The following RNF214 variants were observed in gnomAD, a reference collection of about 807,000 sequenced individuals.
The protein encoded by RNF214 is ring finger protein 214.
A neutral mutation model predicts 75.9 loss-of-function variants in RNF214; 25 were observed. The observed-to-expected ratio is 0.33, with a 90% CI of 0.24 to 0.46. The LOEUF is 0.46. Among genes scored for constraint, RNF214 ranks in the 20% least tolerant of loss-of-function variants. RNF214 has a pLI of 1.00. For missense variants in RNF214, 725 were observed against 857.5 expected (o/e 0.85, Z 1.93); for synonymous variants, 314 against 308.8 (o/e 1.02, Z -0.18).
At chr11:117,244,905 A>G (rs2134365304) in intron 5 of RNF214, among the ~76,000 whole-genome samples, 1 of 151,846 alleles carries the variant, frequency 6.6e-6, no homozygotes, top group South Asian at 2.1e-4. Context: ...GACTCAAGAA[A>G]TCCACCCGCC....
chr11:117,262,243 C>T (rs909170421), intron 6 of RNF214, among the ~76,000 whole-genome samples: 2 of 151,864 alleles, frequency 1.3e-5, no homozygotes, highest in Admixed American at 6.6e-5. Context: ...CCCGCCACCA[C>T]GCCCGGCTAA....
At chr11:117,242,698 C>G (rs977746338) in intron 4 of RNF214, among the ~76,000 whole-genome samples, 1 of 152,122 alleles carries the variant, frequency 6.6e-6, no homozygotes, top group East Asian at 1.9e-4. Flanking sequence ...CCTAAAAATA[C>G]AAAAATTAGC....
chr11:117,253,979 C>A (rs1042802641), intron 6 of RNF214, among the ~76,000 whole-genome samples: 3 of 150,550 alleles, frequency 2.0e-5, no homozygotes, highest in Admixed American at 6.6e-5. Flanking sequence ...GTTGGCTGGG[C>A]GCAGTAGCTT....
intron 6 of RNF214, among the ~76,000 whole-genome samples, chr11:117,249,146 A>G (rs1220183115): frequency 6.6e-6 from 1 of 152,134 alleles, no homozygotes; most frequent in Non-Finnish European, 1.5e-5. Flanking sequence ...GCTAATCTCA[A>G]ACTTCTGGCT....
At chr11:117,257,374 A>G (rs558380981) in intron 6 of RNF214, among the ~76,000 whole-genome samples, 2 of 152,340 alleles carry the variant, frequency 1.3e-5, no homozygotes, top group Admixed American at 1.3e-4. Context: ...AATGAAATGA[A>G]ATGGAAAAGA....
chr11:117,265,257 C>G (rs746587530), intron 6 of RNF214, among the ~76,000 whole-genome samples: 2 of 152,078 alleles, frequency 1.3e-5, no homozygotes, highest in African/African-American at 2.4e-5. Context: ...CTTCTTCCTT[C>G]CCCATCTGCT....
intron 2 of RNF214, among the ~76,000 whole-genome samples, chr11:117,234,761 C>G (rs1253181250): frequency 6.6e-6 from 1 of 152,144 alleles, no homozygotes; most frequent in Admixed American, 6.5e-5. Context: ...ATTACCCAAA[C>G]TTATATCTCA....
chr11:117,280,128 A>G, intron 7 of RNF214, 43 bp from the exon 8 acceptor site: 1 of 1,538,862 alleles, frequency 6.5e-7, no homozygotes, highest in African/African-American at 1.4e-5. Context: ...ACCTTTGTGT[A>G]TGTAAAATTA....
intron 6 of RNF214, among the ~76,000 whole-genome samples, chr11:117,263,399 G>A (rs944579349): frequency 2.0e-5 from 3 of 151,452 alleles, no homozygotes; most frequent in Non-Finnish European, 2.9e-5. Context: ...CCTCAGCCCC[G>A]CAAGTGGCTG....
In RNF214 at chr11:117,242,721, C is replaced by T. The variant is rs141203408; in HGVS notation, c.679-1724C>T. On this transcript the variant is annotated intron_variant, in intron 4 of 14. Transcript: ENST00000300650. ...TACAAAAATTAGCCGAACGTGGTGGCGGGTGCCTGTAATCCCAACTACTCT... is the reference window on the plus strand; with the variant it reads ...TACAAAAATTAGCCGAACGTGGTGGTGGGTGCCTGTAATCCCAACTACTCT... 3.2e-3 allele frequency among the ~76,000 whole-genome samples: 483 copies of T among 152,224 alleles called. 2 individuals carry two copies. The highest frequency in any genetic ancestry group is 0.011 in the African/African-American group (443 of 41,540).
At chr11:117,283,911 C>T (rs1677243637) in intron 14 of RNF214, among the ~76,000 whole-genome samples, 1 of 152,102 alleles carries the variant, frequency 6.6e-6, no homozygotes, top group Non-Finnish European at 1.5e-5. Flanking sequence ...CCTGCCTCAG[C>T]CTCCCAAAGT....
intron 6 of RNF214, among the ~76,000 whole-genome samples, chr11:117,265,352 T>G (rs1419469460): frequency 6.6e-6 from 1 of 152,194 alleles, no homozygotes; most frequent in African/African-American, 2.4e-5. Flanking sequence ...TTGGATAAAG[T>G]ATCTGGAAAT....
chr11:117,285,346 T>C lies in RNF214; in HGVS notation c.*195T>C. 2.2e-6 allele frequency: 1 copy of C among 461,634 alleles called. No homozygotes were observed. The highest frequency in any genetic ancestry group is 3.9e-5 in the Admixed American group (1 of 25,358). 28.6% of individuals were successfully genotyped at this position (461,634 alleles called of 1,614,324 possible). Reference sequence around the variant, plus strand: ...AACTATGTATATTATGCAGAAACAGTCTGTTCCCCCTCATCTTGCAATTCC... The same window carrying C: ...AACTATGTATATTATGCAGAAACAGCCTGTTCCCCCTCATCTTGCAATTCC... On this transcript the variant is annotated 3_prime_UTR_variant, in exon 15 of 15. Coordinates refer to ENST00000300650, the MANE Select transcript of RNF214 (RefSeq NM_207343.4).
chr11:117,238,466 G>A, intron 2 of RNF214, 135 bp from the exon 3 acceptor site: 2 of 821,004 alleles, frequency 2.4e-6, no homozygotes, highest in African/African-American at 1.7e-5. Context: ...CCTGCATACA[G>A]GATAGAAATC....
At chr11:117,263,102 C>T (rs971957083) in intron 6 of RNF214, among the ~76,000 whole-genome samples, 1 of 151,828 alleles carries the variant, frequency 6.6e-6, no homozygotes, top group Admixed American at 6.6e-5. Flanking sequence ...CCACTACGCC[C>T]AGCCACTTTT....
intron 6 of RNF214, among the ~76,000 whole-genome samples, chr11:117,273,329 A>G (rs185168910): frequency 4.8e-4 from 73 of 151,840 alleles, no homozygotes; most frequent in African/African-American, 1.6e-3. Flanking sequence ...AACCACATCA[A>G]TAAACATTTT....
intron 4 of RNF214, among the ~76,000 whole-genome samples, chr11:117,240,748 C>T (rs1010337165): frequency 1.3e-5 from 2 of 151,074 alleles, no homozygotes; most frequent in Admixed American, 1.3e-4. Context: ...AACCTTATAA[C>T]TTCTTGCTTC....
chr11:117,263,593 G>A (rs1239185079), intron 6 of RNF214, among the ~76,000 whole-genome samples: 2 of 152,134 alleles, frequency 1.3e-5, no homozygotes, highest in Non-Finnish European at 2.9e-5. Flanking sequence ...TTTTAATTAT[G>A]TGTGCATGCG....
chr11:117,238,476 C>CATTG, intron 2 of RNF214, 125 bp from the exon 3 acceptor site: 1 of 853,518 alleles, frequency 1.2e-6, no homozygotes. Flanking sequence ...GGATAGAAAT[C>CATTG]ATTGGATTGA....
Sources: gnomAD v4.1 joint callset for allele counts (sites outside exome capture counted in the v4.1 genomes callset) on GRCh38, gnomAD v4.1.1 for gene constraint, MANE v1.5 for transcripts, NCBI Gene and HGNC (gene_info 2026-07-23, HGNC 2026-07-21) for gene names.